Variants in ITSN2 observed in about 807,000 individuals in gnomAD.
ITSN2 encodes the protein intersectin 2, also known as intersectin-2.
A neutral mutation model predicts 243.7 loss-of-function variants in ITSN2; 156 were observed. The ratio of observed to expected loss-of-function variants is 0.64; its 90% CI spans 0.56 to 0.73. The LOEUF (loss-of-function observed/expected upper bound fraction) is 0.73. Among genes scored for constraint, ITSN2 ranks in the 30% least tolerant of loss-of-function variants. The pLI is 0.00. For synonymous variants in ITSN2, 703 were observed against 699.9 expected (o/e 1.00, Z -0.07); for missense variants, 1,801 against 1,996.1 (o/e 0.90, Z 1.86).
In ITSN2 at chr2:24,312,350, C is replaced by T. The variant is rs1360504995; in HGVS notation, c.214G>A (p.Gly72Arg). 1.2e-6 allele frequency: 2 copies of T among 1,611,704 alleles called. No homozygotes were observed. Among genetic ancestry groups the T allele is most frequent in the Non-Finnish European group, 1.7e-6 (2 of 1,178,670 alleles). The stretch of plus-strand genomic sequence containing the variant: ...GAGAACTCTTGCTGATCCATCTTCC[C>T]ATCCTTGTTTAGGTCTGATAAAGCC... ...IWALSDLNKD[G>R]KMDQQEFSIA... Residue 72 changes from glycine (G) to arginine (R), a missense_variant, in exon 5 of 40, where the codon GGG (glycine) becomes AGG (arginine). This residue lies in a region of ITSN2 where 77 missense variants were observed against 90.1 expected (regional missense o/e 0.85). Transcript: ENST00000355123.
chr2:24,263,317 C>T (rs181312292), intron 20 of ITSN2, among the ~76,000 whole-genome samples: 1 of 152,230 alleles, frequency 6.6e-6, no homozygotes, highest in East Asian at 1.9e-4. Context: ...TGTCTCTGTT[C>T]TCCAATCCAT....
At chr2:24,218,578 G>A (rs983485989) in intron 30 of ITSN2, among the ~76,000 whole-genome samples, 8 of 152,180 alleles carry the variant, frequency 5.3e-5, no homozygotes, top group African/African-American at 1.7e-4. Context: ...ATATGCAGAT[G>A]CTTGTGTGTG....
chr2:24,207,582 GC>G (rs1455777452), intron 37 of ITSN2, among the ~76,000 whole-genome samples: 7 of 152,196 alleles, frequency 4.6e-5, no homozygotes, highest in Admixed American at 4.6e-4. Flanking sequence ...AGAGGCCTGG[GC>G]AAGGGTGGAA....
intron 1 of ITSN2, among the ~76,000 whole-genome samples, chr2:24,356,335 G>A (rs1464242177): frequency 8.0e-6 from 1 of 124,480 alleles, no homozygotes; most frequent in Admixed American, 9.3e-5. Context: ...GACAGAGCAA[G>A]ACCCTGTCTC....
chr2:24,289,566 T>C (rs1181739862), intron 15 of ITSN2, among the ~76,000 whole-genome samples: 1 of 152,236 alleles, frequency 6.6e-6, no homozygotes, highest in African/African-American at 2.4e-5. Flanking sequence ...TTACTACTAC[T>C]TTTACAATTT....
Position 24,204,472 on chromosome 2 carries a change from A to G in ITSN2, c.4763-54T>C. The stretch of plus-strand genomic sequence containing the variant: ...TGGTGCATGCAGGTAAAACGAAGCG[A>G]CTGACAGTGCCCTCCCTGAGCAGAA... On this transcript the variant is annotated intron_variant, in intron 38 of 39. Coordinates refer to ENST00000355123, the MANE Select transcript of ITSN2 (RefSeq NM_006277.3). The surrounding 1 kb of genome is among the most constrained non-coding windows in gnomAD (Gnocchi z 5.1). 1 of 1,515,328 alleles carries G rather than the reference A, an allele frequency of 6.6e-7. No homozygotes were observed. The highest frequency in any genetic ancestry group is 1.7e-4 in the Middle Eastern group (1 of 5,872). 93.9% of individuals were successfully genotyped at this position (1,515,328 alleles called of 1,614,324 possible).
Position 24,328,067 on chromosome 2 carries a change from GA to G in ITSN2, c.15del (p.Thr7GlnfsTer3). 6.2e-7 allele frequency: 1 copy of G among 1,613,358 alleles called. No individual in the cohort carries two copies. Among genetic ancestry groups the G allele is most frequent in the Non-Finnish European group, 8.5e-7 (1 of 1,179,792 alleles). Reference sequence around the variant, plus strand: ...AGCTGCTTACCATTCATAGCTGTGGGAAACTGAGCCATCATGGTCCTGAGTT... The same window carrying G: ...AGCTGCTTACCATTCATAGCTGTGGGAACTGAGCCATCATGGTCCTGAGTT... MMAQFPTAMNGGPNM... is the reference protein window; with the variant it reads MMAQXPTAMNGGPNM... On this transcript the variant is annotated frameshift_variant, in exon 2 of 40. Coordinates refer to ENST00000355123, the MANE Select transcript of ITSN2 (RefSeq NM_006277.3). LOFTEE classifies it high-confidence loss of function.
intron 1 of ITSN2, among the ~76,000 whole-genome samples, chr2:24,330,927 T>A (rs1185669057): frequency 1.3e-5 from 2 of 148,926 alleles, no homozygotes; most frequent in Non-Finnish European, 3.0e-5. Flanking sequence ...CCACCACACC[T>A]GGCTAATTTT....
intron 1 of ITSN2, among the ~76,000 whole-genome samples, chr2:24,339,187 T>G (rs1472119765): frequency 6.6e-6 from 1 of 152,150 alleles, no homozygotes; most frequent in African/African-American, 2.4e-5. Context: ...AGAAGTCACT[T>G]CATCTTAAGA....
chr2:24,318,872 C>T (rs554555781), intron 2 of ITSN2, among the ~76,000 whole-genome samples: 42 of 152,296 alleles, frequency 2.8e-4, no homozygotes, highest in African/African-American at 6.5e-4. Flanking sequence ...AGAAGGTGAG[C>T]GGTGGGCAAG....
At chr2:24,261,993 G>GAT (rs1370465787) in intron 20 of ITSN2, among the ~76,000 whole-genome samples, 5 of 152,164 alleles carry the variant, frequency 3.3e-5, no homozygotes, top group South Asian at 2.1e-4. Flanking sequence ...TATGGCTAAT[G>GAT]AGGGAAAACA....
At chr2:24,209,070 C>A in intron 36 of ITSN2, 30 bp downstream of exon 36, 1 of 1,611,392 alleles carries the variant, frequency 6.2e-7, no homozygotes, top group South Asian at 1.1e-5. Flanking sequence ...TCCCAGAGTT[C>A]AAGGCAGGCC....
intron 22 of ITSN2, among the ~76,000 whole-genome samples, chr2:24,260,859 G>A (rs369933185): frequency 2.2e-5 from 3 of 135,920 alleles, no homozygotes; most frequent in Non-Finnish European, 3.0e-5. Flanking sequence ...AGCCGAGACT[G>A]CACCATTGCA....
intron 1 of ITSN2, among the ~76,000 whole-genome samples, chr2:24,337,315 A>AATATATATATACATATAT (rs1686499891): frequency 3.1e-5 from 1 of 32,026 alleles, no homozygotes; most frequent in African/African-American, 1.1e-4. Flanking sequence ...GTATACACAA[A>AATATATATATACATATAT]ATATATATAT....
chr2:24,304,814 GC>G (rs1336844723), intron 8 of ITSN2, among the ~76,000 whole-genome samples: 3 of 152,162 alleles, frequency 2.0e-5, no homozygotes, highest in African/African-American at 7.2e-5. Context: ...CTCGTGGAGG[GC>G]TTTATATGTG....
intron 32 of ITSN2, among the ~76,000 whole-genome samples, chr2:24,213,490 C>A (rs74650777): frequency 2.0e-5 from 3 of 152,136 alleles, no homozygotes; most frequent in East Asian, 3.8e-4. Context: ...ATTTAAATTG[C>A]CCCCCTTTTG....
intron 1 of ITSN2, among the ~76,000 whole-genome samples, chr2:24,345,588 C>T (rs756446196): frequency 6.6e-6 from 1 of 152,076 alleles, no homozygotes; most frequent in East Asian, 1.9e-4. Context: ...TACATTAATA[C>T]TCTCATTGTA....
chr2:24,235,316 C>T (rs1672035337), intron 29 of ITSN2, among the ~76,000 whole-genome samples: 1 of 152,080 alleles, frequency 6.6e-6, no homozygotes, highest in East Asian at 1.9e-4. Flanking sequence ...TCAGTGGTTG[C>T]CAGGGGATGG....
At chr2:24,216,025 C>T (rs777291050) in intron 32 of ITSN2, 24 bp downstream of exon 32, 96 of 1,542,138 alleles carry the variant, frequency 6.2e-5, no homozygotes, top group South Asian at 2.2e-4. Flanking sequence ...GGAGCCTGAC[C>T]CGCAAGGCCC....
Sources: allele counts gnomAD v4.1 joint callset (sites outside exome capture counted in the v4.1 genomes callset), GRCh38; gene constraint gnomAD v4.1.1; regional missense constraint gnomAD v4.1.1; non-coding constraint Gnocchi (gnomAD v3.1); transcripts MANE v1.5; gene names NCBI Gene and HGNC (gene_info 2026-07-23, HGNC 2026-07-21).